The following TOX3 variants were observed in gnomAD, a reference collection of about 807,000 sequenced individuals.
TOX3 encodes the protein TOX high mobility group box family member 3, also known as CAG trinucleotide repeat-containing gene F9 protein.
TOX3 carries 22 observed loss-of-function variants against 64.3 expected under a neutral mutation model. The ratio of observed to expected loss-of-function variants is 0.34; its 90% CI spans 0.24 to 0.49. The LOEUF is 0.49. TOX3 is among the 20% of genes least tolerant of loss of function. The probability of loss-of-function intolerance (pLI) is 0.99; values close to 1 mark genes in which losing one functional copy is unlikely to be tolerated. For missense variants in TOX3, 661 were observed against 714.4 expected (o/e 0.93, Z 0.85); for synonymous variants, 291 against 273.6 (o/e 1.06, Z -0.63).
chr16:52,503,503 C>T (rs984004495), intron 1 of TOX3, among the ~76,000 whole-genome samples: 8 of 152,110 alleles, frequency 5.3e-5, no homozygotes, highest in Admixed American at 1.3e-4. Context: ...CCCAGCATAA[C>T]GCCAGCATAA....
intron 1 of TOX3, among the ~76,000 whole-genome samples, chr16:52,528,336 A>G (rs897547803): frequency 2.0e-5 from 3 of 152,126 alleles, no homozygotes; most frequent in South Asian, 2.1e-4. Flanking sequence ...TATTAATCAC[A>G]TACAATAACT....
At chr16:52,534,055 G>A (rs1427892852) in intron 1 of TOX3, among the ~76,000 whole-genome samples, 1 of 152,168 alleles carries the variant, frequency 6.6e-6, no homozygotes, top group Non-Finnish European at 1.5e-5. Context: ...TCTAAAATGA[G>A]GGTAGGTTGG....
chr16:52,533,135 T>C (rs1363749563), intron 1 of TOX3, among the ~76,000 whole-genome samples: 1 of 152,190 alleles, frequency 6.6e-6, no homozygotes, highest in Admixed American at 6.5e-5. Flanking sequence ...CAGAGAGATG[T>C]TGAAGACGAG....
intron 1 of TOX3, among the ~76,000 whole-genome samples, chr16:52,542,478 A>C (rs1210909095): frequency 6.6e-6 from 1 of 152,198 alleles, no homozygotes; most frequent in Non-Finnish European, 1.5e-5. Flanking sequence ...TCACATAAAA[A>C]CCCAGATTAT....
chr16:52,522,460 G>A (rs1962632070), intron 1 of TOX3, among the ~76,000 whole-genome samples: 1 of 152,190 alleles, frequency 6.6e-6, no homozygotes, highest in Non-Finnish European at 1.5e-5. Context: ...CAGAGTGGAG[G>A]AGCAACCACC....
At chr16:52,496,309 T>C (rs1961848657) in intron 1 of TOX3, among the ~76,000 whole-genome samples, 1 of 152,212 alleles carries the variant, frequency 6.6e-6, no homozygotes, top group African/African-American at 2.4e-5. Context: ...CAGTAATAAT[T>C]TTTGATTGGC....
chr16:52,482,005 T>A (rs1961384098), intron 1 of TOX3, among the ~76,000 whole-genome samples: 2 of 152,300 alleles, frequency 1.3e-5, no homozygotes, highest in Admixed American at 1.3e-4. Flanking sequence ...AACTTAAGAT[T>A]TTATATCTTA....
At chr16:52,467,826 T>TCTGC (rs1021109010) in intron 2 of TOX3, among the ~76,000 whole-genome samples, 148 of 152,338 alleles carry the variant, frequency 9.7e-4, no homozygotes, top group African/African-American at 3.5e-3. Flanking sequence ...GCTTGTTTCA[T>TCTGC]CTGCACCCGT....
intron 1 of TOX3, among the ~76,000 whole-genome samples, chr16:52,508,046 T>C (rs553303724): frequency 6.6e-6 from 1 of 152,348 alleles, no homozygotes; most frequent in Non-Finnish European, 1.5e-5. Flanking sequence ...TCGAGCAGTT[T>C]TGACTAAGCA....
intron 1 of TOX3, among the ~76,000 whole-genome samples, chr16:52,489,709 A>G (rs1961623800): frequency 6.6e-6 from 1 of 152,088 alleles, no homozygotes; most frequent in Non-Finnish European, 1.5e-5. Flanking sequence ...ATTGCCTTGG[A>G]TGACTTACTA....
chr16:52,479,838 T>C (rs932866558), intron 1 of TOX3, among the ~76,000 whole-genome samples: 3 of 152,196 alleles, frequency 2.0e-5, no homozygotes, highest in Non-Finnish European at 4.4e-5. Context: ...TCATCTGCCA[T>C]GGGCACTTTA....
intron 1 of TOX3, among the ~76,000 whole-genome samples, chr16:52,537,912 A>G (rs1457806601): frequency 6.6e-6 from 1 of 150,384 alleles, no homozygotes; most frequent in African/African-American, 2.5e-5. Context: ...AAAGAAAAAG[A>G]AAAAAACAGA....
intron 1 of TOX3, among the ~76,000 whole-genome samples, chr16:52,488,753 T>C (rs2151455461): frequency 6.6e-6 from 1 of 152,322 alleles, no homozygotes; most frequent in South Asian, 2.1e-4. Context: ...GCTCTCATTA[T>C]GGAATAGATA....
chr16:52,535,286 C>G (rs1386597744), intron 1 of TOX3, among the ~76,000 whole-genome samples: 1 of 152,176 alleles, frequency 6.6e-6, no homozygotes, highest in Non-Finnish European at 1.5e-5. Flanking sequence ...GGGCACATGG[C>G]CAGCCACAAT....
At chr16:52,504,708 A>C (rs1472737220) in intron 1 of TOX3, among the ~76,000 whole-genome samples, 1 of 152,160 alleles carries the variant, frequency 6.6e-6, no homozygotes, top group Non-Finnish European at 1.5e-5. Context: ...AGGATCAATG[A>C]GACAGAAAGG....
Position 52,546,686 on chromosome 16 carries a change from G to T in TOX3, c.38C>A (p.Pro13His), listed in dbSNP as rs1341241820. ...GCACTGCGCGAAGTCCAGGCTGGCA[G>T]GGTCCCCGGCCGCCGCGGGGTAGAA... ...VRFYPAAAGD[P>H]ASLDFAQCLG... Residue 13 changes from proline to histidine, a missense_variant, in exon 1 of 7, where the codon CCT (proline) becomes CAT (histidine). Around this residue, in one of 3 missense-constraint regions of TOX3, gnomAD observed 259 missense variants for 261.2 expected, o/e 0.99. Transcript: ENST00000219746. The T allele has an allele frequency of 6.5e-7, 1 of 1,543,230 alleles. No individual in the cohort carries two copies. The highest frequency in any genetic ancestry group is 8.7e-7 in the Non-Finnish European group (1 of 1,148,164).
chr16:52,524,085 C>T (rs1462783703), intron 1 of TOX3, among the ~76,000 whole-genome samples: 2 of 152,140 alleles, frequency 1.3e-5, no homozygotes, highest in African/African-American at 4.8e-5. Context: ...TAGTGACTGT[C>T]GTCTTTTATG....
intron 2 of TOX3, among the ~76,000 whole-genome samples, chr16:52,468,212 T>C (rs12934759): frequency 0.062 from 9,301 of 151,166 alleles, 784 homozygotes; most frequent in African/African-American, 0.2. Flanking sequence ...ACCAACACTG[T>C]ATATGTGTGT....
At chr16:52,474,473 T>C (rs1961148266) in intron 1 of TOX3, among the ~76,000 whole-genome samples, 1 of 151,970 alleles carries the variant, frequency 6.6e-6, no homozygotes, top group South Asian at 2.1e-4. Context: ...AAAAAAATTA[T>C]AGGCATGTTG....
Sources: gnomAD v4.1 joint callset for allele counts (sites outside exome capture counted in the v4.1 genomes callset) on GRCh38, gnomAD v4.1.1 for gene constraint, gnomAD v4.1.1 regional missense constraint, MANE v1.5 for transcripts, NCBI Gene and HGNC (gene_info 2026-07-23, HGNC 2026-07-21) for gene names.